The following URGCP variants were observed in gnomAD, a reference collection of about 807,000 sequenced individuals.
The protein encoded by URGCP is up-regulator of cell proliferation.
Under a neutral mutation model 24.6 loss-of-function variants are expected in URGCP, and 13 were observed. That is an observed-to-expected ratio of 0.53 (90% CI 0.34 to 0.84). The LOEUF (loss-of-function observed/expected upper bound fraction) is 0.84. Among genes scored for constraint, URGCP ranks in the 40% least tolerant of loss-of-function variants. The probability of loss-of-function intolerance (pLI) is 0.01; values close to 1 mark genes in which losing one functional copy is unlikely to be tolerated. For synonymous variants in URGCP, 444 were observed against 487.2 expected (o/e 0.91, Z 1.17); for missense variants, 899 against 1,194.3 (o/e 0.75, Z 3.64).
chr7:43,892,875 G>C (rs1392099776), intron 1 of URGCP, among the ~76,000 whole-genome samples: 5 of 152,140 alleles, frequency 3.3e-5, no homozygotes, highest in African/African-American at 1.2e-4. Context: ...TAAAAACTGA[G>C]GGAATGCATC....
chr7:43,920,306 TCCCAG>T (rs2095920789), intron 1 of URGCP, among the ~76,000 whole-genome samples: 1 of 152,198 alleles, frequency 6.6e-6, no homozygotes, highest in African/African-American at 2.4e-5. Context: ...ACACTGGCAA[TCCCAG>T]CGCTTTGGGA....
Position 43,895,377 on chromosome 7 carries a change from C to T in URGCP, c.15-7561G>A, listed in dbSNP as rs540655891. ...AGATATGATATCCCAGTTAGAGTGG[C>T]TATTATCAAAAAACCAGGCCAGGCT... On this transcript the variant is annotated intron_variant, in intron 1 of 5. Coordinates refer to ENST00000453200, the MANE Select transcript of URGCP (RefSeq NM_001077663.3). 7.5e-4 allele frequency among the ~76,000 whole-genome samples: 114 copies of T among 152,218 alleles called. 7 individuals are homozygous for T. The South Asian group carries it at 0.022, about 29-fold the overall frequency.
rs751290111 is a variant in URGCP at position 43,877,082 on chromosome 7, T to A, written c.2381A>T (p.Asp794Val). The change falls in exon 6 of 6, where the codon GAC (aspartate) becomes GTC (valine). Residue 794 changes from aspartate (D) to valine (V), a missense_variant. Coordinates refer to ENST00000453200, the MANE Select transcript of URGCP (RefSeq NM_001077663.3). The part of the protein sequence containing the change: ...VTVISLAETK[D>V]IPAAILHAFL... ...TGCATGCAGAATAGCTGCTGGAATGTCCTTGGTTTCAGCTAGACTGATCAC... is the reference window on the plus strand; with the variant it reads ...TGCATGCAGAATAGCTGCTGGAATGACCTTGGTTTCAGCTAGACTGATCAC... 3.1e-6 allele frequency: 5 copies of A among 1,614,256 alleles called. No individual in the cohort carries two copies. Among genetic ancestry groups the A allele is most frequent in the Non-Finnish European group, 4.2e-6 (5 of 1,180,044 alleles).
chr7:43,919,676 A>T (rs981497253), intron 1 of URGCP: 5 of 1,375,174 alleles, frequency 3.6e-6, no homozygotes, highest in Non-Finnish European at 5.2e-6. Flanking sequence ...CCATCCAGGG[A>T]GAGGTGGACC....
In URGCP at chr7:43,876,685, C is replaced by G. The variant is rs754681648; in HGVS notation, c.2778G>C (p.Glu926Asp). Residue 926 changes from glutamate to aspartate, a missense_variant, in exon 6 of 6, where the codon GAG becomes GAC. By Grantham distance (45) the Glu-to-Asp change is conservative. Transcript: ENST00000453200. Reference sequence around the variant, plus strand: ...TGCACACTCACAGCCGTCTCACCAGCTCAATGAGCTGCTGGATGTTTTTGT... The same window carrying G: ...TGCACACTCACAGCCGTCTCACCAGGTCAATGAGCTGCTGGATGTTTTTGT... ...NQNKNIQQLI[E>D]LVRRL 2.5e-6 allele frequency: 4 copies of G among 1,614,098 alleles called. No individual in the cohort carries two copies. The highest frequency in any genetic ancestry group is 2.5e-6 in the Non-Finnish European group (3 of 1,179,986).
intron 3 of URGCP, among the ~76,000 whole-genome samples, chr7:43,883,019 G>A (rs1356067592): frequency 1.3e-5 from 2 of 152,082 alleles, no homozygotes; most frequent in Non-Finnish European, 2.9e-5. Flanking sequence ...GGTGCGGGGG[G>A]AGAGACAGTG....
intron 3 of URGCP, among the ~76,000 whole-genome samples, chr7:43,884,698 G>A (rs1164368969): frequency 1.3e-5 from 2 of 152,178 alleles, no homozygotes; most frequent in African/African-American, 4.8e-5. Flanking sequence ...GTCGGGTGCA[G>A]TGGCTCACAC....
rs764239234 is a variant in URGCP, at chr7:43,877,736, C to T, written c.1727G>A (p.Arg576Gln). 1.4e-5 allele frequency: 23 copies of T among 1,608,490 alleles called. No individual in the cohort carries two copies. The highest frequency in any genetic ancestry group is 5.0e-5 in the Admixed American group (3 of 59,492). ...FLRWMEWGLA[R>Q]VAQPRLRQPP... is the part of the protein sequence containing the mutation. The stretch of plus-strand genomic sequence containing the variant: ...CTGTCTCAGTCGCGGCTGGGCCACC[C>T]GTGCCAGGCCCCACTCCATCCACCT... Residue 576 changes from arginine to glutamine, a missense_variant, in exon 6 of 6, where the codon CGG becomes CAG. Transcript: ENST00000453200.
chr7:43,883,935 C>T (rs1369751906), intron 3 of URGCP, among the ~76,000 whole-genome samples: 2 of 152,222 alleles, frequency 1.3e-5, no homozygotes, highest in East Asian at 3.9e-4. Flanking sequence ...TGAGGAAAAG[C>T]CATCAGAACA....
At chr7:43,882,987 G>C (rs897291995) in intron 3 of URGCP, among the ~76,000 whole-genome samples, 3 of 152,000 alleles carry the variant, frequency 2.0e-5, no homozygotes, top group Non-Finnish European at 4.4e-5. Flanking sequence ...ATGTACATCA[G>C]AGCACAAATA....
chr7:43,920,040 G>C lies in URGCP; in HGVS notation c.-116+6092C>G, dbSNP rs1259320640. The C allele has an allele frequency of 3.8e-6, 5 of 1,310,050 alleles. No homozygotes were observed. In the East Asian group the frequency reaches 9.2e-5, roughly 24 times the overall value. The allele number at this position is 1,310,050 out of a possible 1,614,324, so 81.2% of individuals were successfully genotyped here. A position where few individuals can be genotyped will look rare whatever the true frequency, so the allele number is the denominator to read the frequency against. ...GCCACATGGCCAGACTACATCTCCT[G>C]GGGCACCCAGGAGCAGTGAGTCCCC... On this transcript the variant is annotated intron_variant, in intron 1 of 5. Transcript: ENST00000426198.
intron 1 of URGCP, among the ~76,000 whole-genome samples, chr7:43,904,084 T>C (rs2095896699): frequency 6.6e-6 from 1 of 152,200 alleles, no homozygotes; most frequent in African/African-American, 2.4e-5. Flanking sequence ...TGCTGTCACA[T>C]TGATTCTCTG....
chr7:43,921,122 C>G (rs368147986), intron 1 of URGCP, among the ~76,000 whole-genome samples: 8 of 152,090 alleles, frequency 5.3e-5, no homozygotes, highest in Non-Finnish European at 1.5e-5. Context: ...GTCAGGAGAT[C>G]GAGACCATCT....
chr7:43,879,253 T>G lies in URGCP; in HGVS notation c.210A>C (p.Arg70Ser). 1 of 1,607,752 alleles carries G rather than the reference T, an allele frequency of 6.2e-7. No homozygotes were observed. The change falls in exon 6 of 6, where the codon AGA (arginine) becomes AGC (serine). Residue 70 changes from arginine (R) to serine (S), a missense_variant. Physicochemically the swap from Arg to Ser is moderately radical, Grantham distance 110. Coordinates refer to ENST00000453200, the MANE Select transcript of URGCP (RefSeq NM_001077663.3). ...GTGACAGCATTTCTTGAAGCCTGCT[T>G]CTCTCCACTGTGGAAAGAAATGAAG... The part of the protein sequence containing the change: ...AQDNDFPTVE[R>S]SRLQEMLSLL...
At chr7:43,882,863 G>T (rs1156405801) in intron 3 of URGCP, among the ~76,000 whole-genome samples, 1 of 152,138 alleles carries the variant, frequency 6.6e-6, no homozygotes, top group Non-Finnish European at 1.5e-5. Flanking sequence ...TTTGATTTTA[G>T]AAACTATTTA....
intron 1 of URGCP, among the ~76,000 whole-genome samples, chr7:43,924,965 C>T (rs2528383): frequency 6.6e-6 from 1 of 152,038 alleles, no homozygotes; most frequent in East Asian, 1.9e-4. Flanking sequence ...CACCATGTTG[C>T]CCAGGATGGT....
In URGCP at chr7:43,877,500, G is replaced by A; in HGVS notation, c.1963C>T (p.Leu655=). ...ATTAGCTCCAGAGGCAGCCCTGTCA[G>A]CAGCAGCTCCGAGGCCAAGCCTGGG... ...HFPGLASELL[L]TGLPLELIDG... Residue 655 remains leucine (L), a synonymous_variant, in exon 6 of 6, where the codon CTG becomes TTG. Coordinates refer to ENST00000453200, the MANE Select transcript of URGCP (RefSeq NM_001077663.3). The A allele has an allele frequency of 1.2e-6, 2 of 1,613,360 alleles. No individual in the cohort carries two copies. The highest frequency in any genetic ancestry group is 4.5e-5 in the East Asian group (2 of 44,882).
rs992053932 is a variant in URGCP, at chr7:43,919,291, C to T, written c.-116+6841G>A. ...ACACTCAAGAGGCTGATGCAGAACG[C>T]AGACTGTGTGGTGGTGCTGCACAAC... On this transcript the variant is annotated intron_variant, in intron 1 of 5. Coordinates refer to the URGCP transcript ENST00000426198. 17 of 823,050 alleles carry T rather than the reference C, an allele frequency of 2.1e-5. No individual in the cohort carries two copies. In the African/African-American group the frequency reaches 2.7e-4, roughly 13 times the overall value. The allele number at this position is 823,050 out of a possible 1,614,324, so 51.0% of individuals were successfully genotyped here.
intron 1 of URGCP, among the ~76,000 whole-genome samples, chr7:43,901,458 G>A (rs1234117796): frequency 6.6e-6 from 1 of 152,206 alleles, no homozygotes; most frequent in Admixed American, 6.5e-5. Context: ...GAACACTCTG[G>A]GTGGCTGCTG....
Sources: gnomAD v4.1 joint callset for allele counts (sites outside exome capture counted in the v4.1 genomes callset) on GRCh38, gnomAD v4.1.1 for gene constraint, MANE v1.5 for transcripts, NCBI Gene and HGNC (gene_info 2026-07-23, HGNC 2026-07-21) for gene names.